Variants in GABRB3 observed in about 807,000 individuals in gnomAD.
The protein encoded by GABRB3 is gamma-aminobutyric acid type A receptor subunit beta3.
Under a neutral mutation model 52.1 loss-of-function variants are expected in GABRB3, and 14 were observed. The ratio of observed to expected loss-of-function variants is 0.27; its 90% CI spans 0.18 to 0.42. The LOEUF (loss-of-function observed/expected upper bound fraction) is 0.42, where lower values mean the gene tolerates loss of function less well. GABRB3 is among the 10% of genes least tolerant of loss of function. GABRB3 has a pLI of 1.00. For missense variants in GABRB3, 307 were observed against 609.1 expected (o/e 0.50, Z 5.22); for synonymous variants, 260 against 232.3 (o/e 1.12, Z -1.08).
intron 3 of GABRB3, among the ~76,000 whole-genome samples, chr15:26,654,778 G>A (rs1305877184): frequency 6.6e-6 from 1 of 151,944 alleles, no homozygotes; most frequent in South Asian, 2.1e-4. Flanking sequence ...GGGGAGGGAG[G>A]TTCAATTTCA....
chr15:26,745,363 T>A (rs1365182967), intron 3 of GABRB3, among the ~76,000 whole-genome samples: 1 of 152,230 alleles, frequency 6.6e-6, no homozygotes, highest in South Asian at 2.1e-4. Context: ...GGAGGTTCCA[T>A]ACCCAGTTTT....
intron 3 of GABRB3, among the ~76,000 whole-genome samples, chr15:26,765,224 G>A (rs970384680): frequency 6.6e-6 from 1 of 151,420 alleles, no homozygotes; most frequent in Admixed American, 6.6e-5. Flanking sequence ...GGTGTACAAA[G>A]GTACCAGTGA....
rs115947583 is a variant in GABRB3, at chr15:26,658,262, A to G, written c.241-36728T>C. Among the ~76,000 whole-genome samples the G allele has an allele frequency of 9.4e-3, 1,436 of 152,050 alleles. 19 individuals are homozygous for G. The highest frequency in any genetic ancestry group is 0.032 in the African/African-American group (1,319 of 41,458). ...GCCCCTTGCCCACCAAACTATCTCT[A>G]AAAAAAACCCCAGCCTTCTAATTTT... is the stretch of plus-strand genomic sequence containing the variant. On this transcript the variant is annotated intron_variant, in intron 3 of 8. Coordinates refer to ENST00000311550, the MANE Select transcript of GABRB3 (RefSeq NM_000814.6).
intron 3 of GABRB3, among the ~76,000 whole-genome samples, chr15:26,722,823 C>T (rs1244707950): frequency 6.6e-6 from 1 of 152,168 alleles, no homozygotes; most frequent in Non-Finnish European, 1.5e-5. Flanking sequence ...CTCGTTCTGG[C>T]TCCCCGTGCC....
intron 6 of GABRB3, among the ~76,000 whole-genome samples, chr15:26,576,936 G>A (rs1045659564): frequency 6.6e-6 from 1 of 152,178 alleles, no homozygotes; most frequent in Admixed American, 6.5e-5. Context: ...GCTTATCCTA[G>A]ATTGCTAATG....
intron 3 of GABRB3, among the ~76,000 whole-genome samples, chr15:26,659,783 T>C (rs908793516): frequency 6.6e-6 from 1 of 152,170 alleles, no homozygotes; most frequent in Non-Finnish European, 1.5e-5. Flanking sequence ...CCATCCACCA[T>C]GAGCACCGGC....
At position 26,547,330 on chromosome 15, in the gene GABRB3, G is replaced by C. The variant is rs1255760585; in HGVS notation, c.*463C>G. ...CAATACCACTGTATGAGTTTTCAAA[G>C]ATTAACTAAGAATGTCTTTCTGATT... On this transcript the variant is annotated 3_prime_UTR_variant, in exon 9 of 9. Coordinates refer to ENST00000311550, the MANE Select transcript of GABRB3 (RefSeq NM_000814.6). The C allele has an allele frequency of 4.9e-6, 2 of 408,690 alleles. No homozygotes were observed. Among genetic ancestry groups the C allele is most frequent in the African/African-American group, 4.1e-5 (2 of 48,646 alleles). The allele number at this position is 408,690 out of a possible 1,614,324, so 25.3% of individuals were successfully genotyped here.
intron 3 of GABRB3, among the ~76,000 whole-genome samples, chr15:26,733,670 A>G (rs1158134386): frequency 6.6e-6 from 1 of 152,234 alleles, no homozygotes; most frequent in Admixed American, 6.5e-5. Context: ...AATAGCCAAA[A>G]CAATTTTGAA....
At chr15:26,696,356 A>AT (rs1888738996) in intron 3 of GABRB3, among the ~76,000 whole-genome samples, 1 of 151,828 alleles carries the variant, frequency 6.6e-6, no homozygotes, top group African/African-American at 2.4e-5. Flanking sequence ...TAAGATAGGT[A>AT]CTACTGCTAT....
intron 3 of GABRB3, among the ~76,000 whole-genome samples, chr15:26,722,099 T>C (rs1156892708): frequency 1.3e-5 from 2 of 152,188 alleles, no homozygotes; most frequent in Admixed American, 6.5e-5. Flanking sequence ...AAATCTTAGC[T>C]TACCTCACCT....
At chr15:26,766,148 T>C (rs1393004165) in intron 3 of GABRB3, among the ~76,000 whole-genome samples, 2 of 152,242 alleles carry the variant, frequency 1.3e-5, no homozygotes, top group African/African-American at 2.4e-5. Flanking sequence ...TCACACCTCA[T>C]TATGAATGAC....
At chr15:26,766,656 A>G (rs937029334) in intron 3 of GABRB3, among the ~76,000 whole-genome samples, 1 of 151,582 alleles carries the variant, frequency 6.6e-6, no homozygotes, top group African/African-American at 2.4e-5. Context: ...CTTTGGAAAA[A>G]CCAAATGTTG....
chr15:26,621,493 A>C lies in GABRB3; in HGVS notation c.282T>G (p.Asp94Glu), dbSNP rs2140537278. ...GGATCCCAGAATAGGCGAGCCTTTT[A>C]TCTCTCCAATATTGTTGAAAATACA... ...LTMYFQQYWR[D>E]KRLAYSGIPL... The change falls in exon 4 of 9, where the codon GAT becomes GAG. Residue 94 changes from aspartate to glutamate, a missense_variant. Coordinates refer to ENST00000311550, the MANE Select transcript of GABRB3 (RefSeq NM_000814.6). This position sits in a 1 kb window ranked among gnomAD's most constrained non-coding sequence, Gnocchi z 4.1. 7 of 1,614,062 alleles carry C rather than the reference A, an allele frequency of 4.3e-6. No individual in the cohort carries two copies. The highest frequency in any genetic ancestry group is 2.2e-5 in the East Asian group (1 of 44,874).
chr15:26,729,560 AT>A (rs1246974833), intron 3 of GABRB3, among the ~76,000 whole-genome samples: 6 of 152,168 alleles, frequency 3.9e-5, no homozygotes, highest in Non-Finnish European at 8.8e-5. Context: ...TAATCTGGGT[AT>A]TTCTAAAGCC....
intron 8 of GABRB3, chr15:26,550,258 AG>A (rs1889409285): frequency 6.6e-6 from 1 of 152,238 alleles, no homozygotes; most frequent in Non-Finnish European, 1.5e-5. Context: ...AGAAGAAACA[AG>A]GCAGCTGATA....
At chr15:26,610,611 T>C (rs1022358894) in intron 4 of GABRB3, among the ~76,000 whole-genome samples, 1 of 152,150 alleles carries the variant, frequency 6.6e-6, no homozygotes, top group African/African-American at 2.4e-5. Context: ...TGCTGTTAAA[T>C]GGGAAAGTGG....
intron 3 of GABRB3, chr15:26,624,781 G>C (rs368308663): frequency 2.0e-6 from 2 of 985,504 alleles, no homozygotes; most frequent in African/African-American, 3.5e-5. Context: ...GCAACAAAGG[G>C]AAGGGGGTGG....
Position 26,562,886 on chromosome 15 carries a change from G to A in GABRB3, c.836-1710C>T, listed in dbSNP as rs1890040888. Among the ~76,000 whole-genome samples the A allele has an allele frequency of 2.6e-5, 4 of 152,182 alleles. No homozygotes were observed. The South Asian group carries it at 6.2e-4, about 24-fold the overall frequency. ...AACCATGGTTGCTGACGGAATGTAT[G>A]GAAATCCAAGATGTCAGAATATTTT... On this transcript the variant is annotated intron_variant, in intron 7 of 8. Transcript: ENST00000311550.
At chr15:26,691,797 A>G (rs2140665295) in intron 3 of GABRB3, among the ~76,000 whole-genome samples, 1 of 151,878 alleles carries the variant, frequency 6.6e-6, no homozygotes, top group Non-Finnish European at 1.5e-5. Flanking sequence ...AAAGAAAGAA[A>G]GGCCTTGCTA....
Sources: allele counts gnomAD v4.1 joint callset (sites outside exome capture counted in the v4.1 genomes callset), GRCh38; gene constraint gnomAD v4.1.1; non-coding constraint Gnocchi (gnomAD v3.1); transcripts MANE v1.5; gene names NCBI Gene and HGNC (gene_info 2026-07-23, HGNC 2026-07-21).